The following SLC45A3 variants were observed in gnomAD, a reference collection of about 807,000 sequenced individuals.
The protein encoded by SLC45A3 is solute carrier family 45 member 3, also known as prostate cancer associated protein 2.
Under a neutral mutation model 35.3 loss-of-function variants are expected in SLC45A3, and 17 were observed. That is an observed-to-expected ratio of 0.48 (90% confidence interval 0.33 to 0.72). SLC45A3 has a LOEUF of 0.72. Ranked by LOEUF, SLC45A3 falls within the 30% of genes least tolerant of loss-of-function variation. The probability of loss-of-function intolerance (pLI) is 0.02; values close to 1 mark genes in which losing one functional copy is unlikely to be tolerated. For missense variants in SLC45A3, 597 were observed against 731.7 expected (o/e 0.82, Z 2.12); for synonymous variants, 288 against 334.3 (o/e 0.86, Z 1.51).
Position 205,658,292 on chromosome 1 carries a change from T to C in SLC45A3, c.*942A>G, listed in dbSNP as rs1670959121. 1 of 232,680 alleles carries C rather than the reference T, an allele frequency of 4.3e-6. No individual in the cohort carries two copies. The highest frequency in any genetic ancestry group is 2.2e-5 in the African/African-American group (1 of 45,412). The allele number at this position is 232,680 out of a possible 1,614,324, so 14.4% of individuals were successfully genotyped here. A position where few individuals can be genotyped will look rare whatever the true frequency, so the allele number is the denominator to read the frequency against. ...AGAAGAGGGGTGGTTAGGGAAGCCGTTGAGACCTGAAGCCCCACCCTCTAC... is the reference window on the plus strand; with the variant it reads ...AGAAGAGGGGTGGTTAGGGAAGCCGCTGAGACCTGAAGCCCCACCCTCTAC... On this transcript the variant is annotated 3_prime_UTR_variant, in exon 5 of 5. Coordinates refer to ENST00000367145, the MANE Select transcript of SLC45A3 (RefSeq NM_033102.3).
rs1671085125 is a variant in SLC45A3, at chr1:205,664,458, G to A, written c.172+27C>T. The A allele has an allele frequency of 1.2e-6, 2 of 1,611,894 alleles. No individual in the cohort carries two copies. Among genetic ancestry groups the A allele is most frequent in the Non-Finnish European group, 1.7e-6 (2 of 1,178,528 alleles). ...TGCCAGGTGGCATGTATCTGGAACA[G>A]GAAGGAAGGAGGATGTAGTGACTCA... On this transcript the variant is annotated intron_variant, in intron 2 of 4. Transcript: ENST00000367145. This position sits in a 1 kb window ranked among gnomAD's most constrained non-coding sequence, Gnocchi z 5.3.
intron 4 of SLC45A3, 38 bp downstream of exon 4, chr1:205,661,823 C>G: frequency 6.3e-7 from 1 of 1,581,490 alleles, no homozygotes; most frequent in Non-Finnish European, 8.6e-7. Context: ...CCCAGACCAC[C>G]CCTCCCACCC....
At chr1:205,671,769 G>A (rs1479373977) in intron 1 of SLC45A3, among the ~76,000 whole-genome samples, 1 of 152,142 alleles carries the variant, frequency 6.6e-6, no homozygotes, top group African/African-American at 2.4e-5. Flanking sequence ...GGGAGGCTGA[G>A]GCATGAGAAT....
At position 205,663,269 on chromosome 1, in the gene SLC45A3, C is replaced by T; in HGVS notation, c.522G>A (p.Leu174=). The part of the protein sequence containing the change: ...YAFMISLGGC[L]GYLLPAIDWD... ...AGTCAATGGCAGGCAGGAGGTAGCC[C>T]AGGCAGCCCCCAAGACTGATCATGA... Residue 174 remains leucine (L), a synonymous_variant, in exon 3 of 5, where the codon CTG becomes CTA. Transcript: ENST00000367145. The T allele has an allele frequency of 1.2e-6, 2 of 1,613,576 alleles. No homozygotes were observed. The highest frequency in any genetic ancestry group is 3.3e-5 in the Admixed American group (2 of 60,032).
In SLC45A3 at chr1:205,662,174, G is replaced by A. The variant is rs190220394; in HGVS notation, c.959-48C>T. 5.5e-5 allele frequency: 87 copies of A among 1,575,646 alleles called. No individual in the cohort carries two copies. Among genetic ancestry groups the A allele is most frequent in the East Asian group, 4.5e-4 (20 of 44,024 alleles). ...AGACAGAGCCTGGGAGGGAAGGGTC[G>A]GAGCAGTCTCAGGGAGATGAGAAGG... On this transcript the variant is annotated intron_variant, in intron 3 of 4. Transcript: ENST00000367145. The surrounding 1 kb of genome is among the most constrained non-coding windows in gnomAD (Gnocchi z 6.2).
chr1:205,672,907 AC>A (rs1246712717), intron 1 of SLC45A3, among the ~76,000 whole-genome samples: 1 of 152,168 alleles, frequency 6.6e-6, no homozygotes, highest in African/African-American at 2.4e-5. Flanking sequence ...CTAAGGGCTC[AC>A]TGATGAGGCT....
In SLC45A3 at chr1:205,664,674, G is replaced by A. The variant is rs201035535; in HGVS notation, c.-18C>T. On this transcript the variant is annotated 5_prime_UTR_variant, in exon 2 of 5. Transcript: ENST00000367145. This position sits in a 1 kb window ranked among gnomAD's most constrained non-coding sequence, Gnocchi z 5.3. ...TGGACCATAGTGGGCCAGGCGGGTA[G>A]GGCTCAGGGGGCCGTTCAGGCACTC... is the stretch of plus-strand genomic sequence containing the variant. The A allele has an allele frequency of 1.9e-6, 3 of 1,612,684 alleles. No individual in the cohort carries two copies. Among genetic ancestry groups the A allele is most frequent in the African/African-American group, 2.7e-5 (2 of 74,994 alleles).
intron 1 of SLC45A3, among the ~76,000 whole-genome samples, chr1:205,672,347 C>T (rs1273776897): frequency 2.0e-5 from 3 of 152,148 alleles, no homozygotes; most frequent in African/African-American, 7.2e-5. Flanking sequence ...AGCAGACCTG[C>T]CTGCTGGAGG....
In SLC45A3 at chr1:205,660,488, G is replaced by A. The variant is rs147432857; in HGVS notation, c.1225-817C>T. ...TGAGTTGGCTGCATTTGCGAGGTGG[G>A]AGCCATGGCAGAGCTCAAACCTGAC... On this transcript the variant is annotated intron_variant, in intron 4 of 4. Coordinates refer to ENST00000367145, the MANE Select transcript of SLC45A3 (RefSeq NM_033102.3). 1.6e-3 allele frequency among the ~76,000 whole-genome samples: 236 copies of A among 152,244 alleles called. No homozygotes were observed. The Middle Eastern group carries it at 0.027, about 18-fold the overall frequency.
At position 205,661,929 on chromosome 1, in the gene SLC45A3, C is replaced by A. The variant is rs754581481; in HGVS notation, c.1156G>T (p.Gly386Trp). 1.2e-6 allele frequency: 2 copies of A among 1,614,166 alleles called. No individual in the cohort carries two copies. The highest frequency in any genetic ancestry group is 1.3e-5 in the African/African-American group (1 of 75,046). The change falls in exon 4 of 5, where the codon GGG becomes TGG. Residue 386 changes from glycine to tryptophan, a missense_variant. Coordinates refer to ENST00000367145, the MANE Select transcript of SLC45A3 (RefSeq NM_033102.3). ...AVVTASAALT[G>W]FTFSALQILP... The stretch of plus-strand genomic sequence containing the variant: ...ATCTGCAGGGCTGAGAAGGTGAACC[C>A]GGTGAGGGCGGCTGAAGCTGTCACC...
Position 205,664,287 on chromosome 1 carries a change from G to A in SLC45A3, c.172+198C>T, listed in dbSNP as rs1671079835. Among the ~76,000 whole-genome samples the A allele has an allele frequency of 6.6e-6, 1 of 152,186 alleles. No homozygotes were observed. The highest frequency in any genetic ancestry group is 1.5e-5 in the Non-Finnish European group (1 of 68,026). ...CTCTGTGCAGGACCAGGGATCCAGAGGTGACTGGGGTATGTCCTTGGTATT... is the reference window on the plus strand; with the variant it reads ...CTCTGTGCAGGACCAGGGATCCAGAAGTGACTGGGGTATGTCCTTGGTATT... On this transcript the variant is annotated intron_variant, in intron 2 of 4. Coordinates refer to ENST00000367145, the MANE Select transcript of SLC45A3 (RefSeq NM_033102.3). This position sits in a 1 kb window ranked among gnomAD's most constrained non-coding sequence, Gnocchi z 5.3.
Position 205,658,454 on chromosome 1 carries a change from A to G in SLC45A3, c.*780T>C. 1 of 233,248 alleles carries G rather than the reference A, an allele frequency of 4.3e-6. No homozygotes were observed. The highest frequency in any genetic ancestry group is 8.5e-6 in the Non-Finnish European group (1 of 118,016). 14.4% of individuals were successfully genotyped at this position (233,248 alleles called of 1,614,324 possible). ...GAAGATTCTGGCAATGATCAGCCCA[A>G]TGACCAGCTATCTCAGGGGACCTGA... On this transcript the variant is annotated 3_prime_UTR_variant, in exon 5 of 5. Coordinates refer to ENST00000367145, the MANE Select transcript of SLC45A3 (RefSeq NM_033102.3).
chr1:205,679,685 A>AACACACACACACACACACACAC (rs55762304), intron 1 of SLC45A3, among the ~76,000 whole-genome samples: 56 of 138,850 alleles, frequency 4.0e-4, no homozygotes, highest in South Asian at 3.0e-3. Flanking sequence ...GGGACACAGT[A>AACACACACACACACACACACAC]ACACACACAC....
In SLC45A3 at chr1:205,677,859, C is replaced by T. The variant is rs867250829; in HGVS notation, c.-231+2535G>A. Among the ~76,000 whole-genome samples the T allele has an allele frequency of 9.3e-4, 142 of 152,194 alleles. 1 individual carries two copies. The highest frequency in any genetic ancestry group is 2.9e-3 in the African/African-American group (119 of 41,506). The stretch of plus-strand genomic sequence containing the variant: ...GCTATAATTTTTAGACTATATATAA[C>T]GTAATTATATGTTTATAAATTTTAT... On this transcript the variant is annotated intron_variant, in intron 1 of 4. Coordinates refer to ENST00000367145, the MANE Select transcript of SLC45A3 (RefSeq NM_033102.3).
intron 4 of SLC45A3, among the ~76,000 whole-genome samples, chr1:205,661,257 G>A (rs1481351928): frequency 6.6e-6 from 1 of 152,172 alleles, no homozygotes; most frequent in Non-Finnish European, 1.5e-5. Context: ...AGTGGGTCAG[G>A]TGTCAAGCTC....
rs1652863423 is a variant in SLC45A3 at position 205,662,489 on chromosome 1, C to T, written c.958+344G>A. 5 of 1,284,834 alleles carry T rather than the reference C, an allele frequency of 3.9e-6. No individual in the cohort carries two copies. Among genetic ancestry groups the T allele is most frequent in the Non-Finnish European group, 4.9e-6 (5 of 1,016,526 alleles). 79.6% of individuals were successfully genotyped at this position (1,284,834 alleles called of 1,614,324 possible). A position where few individuals can be genotyped will look rare whatever the true frequency, so the allele number is the denominator to read the frequency against. On this transcript the variant is annotated intron_variant, in intron 3 of 4. Coordinates refer to ENST00000367145, the MANE Select transcript of SLC45A3 (RefSeq NM_033102.3). This position sits in a 1 kb window ranked among gnomAD's most constrained non-coding sequence, Gnocchi z 6.2. ...GCGCTGGTGAGATTATTTGGAAAGT[C>T]GTTGGGGGAGCAGAGGGCACACTGC... is the stretch of plus-strand genomic sequence containing the variant.
intron 1 of SLC45A3, among the ~76,000 whole-genome samples, chr1:205,672,745 C>T (rs745452461): frequency 6.6e-6 from 1 of 152,146 alleles, no homozygotes; most frequent in Non-Finnish European, 1.5e-5. Context: ...GTAGCCTAGA[C>T]AGGCCATCTC....
rs577413309 is a variant in SLC45A3, at chr1:205,662,277, T to C, written c.959-151A>G. The C allele has an allele frequency of 1.3e-5, 19 of 1,431,882 alleles. No homozygotes were observed. The highest frequency in any genetic ancestry group is 1.7e-5 in the Non-Finnish European group (19 of 1,096,256). The allele number at this position is 1,431,882 out of a possible 1,614,324, so 88.7% of individuals were successfully genotyped here. On this transcript the variant is annotated intron_variant, in intron 3 of 4. Transcript: ENST00000367145. This position sits in a 1 kb window ranked among gnomAD's most constrained non-coding sequence, Gnocchi z 6.2. ...CCAGCACCCTTCCCCTTTCTACCTC[T>C]AGCAATGGGAGTCTAGGTTCTTCCA...
chr1:205,677,765 T>G (rs553876347), intron 1 of SLC45A3, among the ~76,000 whole-genome samples: 1 of 152,352 alleles, frequency 6.6e-6, no homozygotes, highest in Non-Finnish European at 1.5e-5. Flanking sequence ...ATATAGTTGG[T>G]ACTAACATTT....
Sources: gnomAD v4.1 joint callset for allele counts (sites outside exome capture counted in the v4.1 genomes callset) on GRCh38, gnomAD v4.1.1 for gene constraint, Gnocchi (gnomAD v3.1) non-coding constraint, MANE v1.5 for transcripts, NCBI Gene and HGNC (gene_info 2026-07-23, HGNC 2026-07-21) for gene names.